Variants in THSD7A observed in about 807,000 individuals in gnomAD.
THSD7A encodes the protein thrombospondin type-1 domain-containing protein 7A.
Under a neutral mutation model 231.3 loss-of-function variants are expected in THSD7A, and 96 were observed. That is an observed-to-expected ratio of 0.41 (90% confidence interval 0.35 to 0.49). THSD7A has a LOEUF of 0.49. Ranked by LOEUF, THSD7A falls within the 20% of genes least tolerant of loss-of-function variation. The probability of loss-of-function intolerance (pLI) is 0.05; values close to 1 mark genes in which losing one functional copy is unlikely to be tolerated. For missense variants in THSD7A, 2,290 were observed against 2,070.2 expected, an observed-to-expected ratio of 1.11 and a Z score of -2.06; for synonymous variants, 940 against 743.3, an observed-to-expected ratio of 1.26 and a Z score of -4.30.
chr7:11,635,938 G>T (rs1012926608), intron 2 of THSD7A, among the ~76,000 whole-genome samples, 192 bp downstream of exon 2: 3 of 151,716 alleles, frequency 2.0e-5, no homozygotes, highest in Non-Finnish European at 4.4e-5. Flanking sequence ...AAGTAATACA[G>T]GGCCTAAATG....
At chr7:11,758,723 T>C (rs540644393) in intron 1 of THSD7A, among the ~76,000 whole-genome samples, 3 of 152,204 alleles carry the variant, frequency 2.0e-5, no homozygotes, top group African/African-American at 7.2e-5. Flanking sequence ...CACAATCCTA[T>C]CTTTAAAGGA....
At chr7:11,618,362 G>T (rs1436575497) in intron 2 of THSD7A, among the ~76,000 whole-genome samples, 2 of 152,068 alleles carry the variant, frequency 1.3e-5, no homozygotes, top group Admixed American at 6.6e-5. Flanking sequence ...TTATATAATA[G>T]AAATCATTTT....
chr7:11,676,585 G>C (rs2128137403), intron 1 of THSD7A, among the ~76,000 whole-genome samples: 1 of 152,220 alleles, frequency 6.6e-6, no homozygotes, highest in African/African-American at 2.4e-5. Flanking sequence ...TGACCTAAGA[G>C]AGATGAAAAA....
chr7:11,635,511 T>C (rs1372096634), intron 2 of THSD7A, among the ~76,000 whole-genome samples: 2 of 152,216 alleles, frequency 1.3e-5, no homozygotes, highest in African/African-American at 4.8e-5. Flanking sequence ...ATAATTTCTG[T>C]CTAGAAAATG....
intron 1 of THSD7A, among the ~76,000 whole-genome samples, chr7:11,639,232 T>C (rs963634298): frequency 6.6e-6 from 1 of 152,216 alleles, no homozygotes; most frequent in Non-Finnish European, 1.5e-5. Flanking sequence ...TAAAATTAAT[T>C]ATGAAATTAG....
At chr7:11,555,932 G>T (rs974161101) in intron 4 of THSD7A, among the ~76,000 whole-genome samples, 2 of 151,440 alleles carry the variant, frequency 1.3e-5, no homozygotes, top group Admixed American at 6.6e-5. Context: ...ATGACACACA[G>T]TTTCTCATTA....
At chr7:11,704,425 C>A (rs370159381) in intron 1 of THSD7A, among the ~76,000 whole-genome samples, 3 of 150,672 alleles carry the variant, frequency 2.0e-5, no homozygotes, top group African/African-American at 7.3e-5. Flanking sequence ...AGTGACATAA[C>A]CCTATGGGGA....
intron 1 of THSD7A, among the ~76,000 whole-genome samples, chr7:11,653,143 C>G (rs1782571538): frequency 6.6e-6 from 1 of 151,918 alleles, no homozygotes; most frequent in Non-Finnish European, 1.5e-5. Flanking sequence ...CAGGTTTTAA[C>G]TACCATTATT....
rs753174367 is a variant in THSD7A, at chr7:11,376,553, A to G, written c.4889+17T>C. ...GATTAAGTATCTCTTTGGATTTTTA[A>G]TTATTTAAACACTCACCAAGCTAGA... is the stretch of plus-strand genomic sequence containing the variant. On this transcript the variant is annotated intron_variant, in intron 27 of 27. Coordinates refer to ENST00000423059, the MANE Select transcript of THSD7A (RefSeq NM_015204.3). The G allele has an allele frequency of 3.9e-5, 60 of 1,545,998 alleles. No homozygotes were observed. The highest frequency in any genetic ancestry group is 5.3e-5 in the Non-Finnish European group (60 of 1,140,818).
intron 1 of THSD7A, among the ~76,000 whole-genome samples, chr7:11,744,598 C>G (rs1022874845): frequency 8.6e-6 from 1 of 116,838 alleles, no homozygotes; most frequent in African/African-American, 3.2e-5. Flanking sequence ...CCCCCTCCCC[C>G]CACCCCACAA....
At chr7:11,500,496 A>G (rs1787286421) in intron 6 of THSD7A, among the ~76,000 whole-genome samples, 1 of 152,066 alleles carries the variant, frequency 6.6e-6, no homozygotes, top group African/African-American at 2.4e-5. Flanking sequence ...GGGCTAAATA[A>G]CCCCACTTAC....
At chr7:11,631,519 A>G (rs1349181577) in intron 2 of THSD7A, among the ~76,000 whole-genome samples, 1 of 152,218 alleles carries the variant, frequency 6.6e-6, no homozygotes. Flanking sequence ...ACTTCATTCC[A>G]CAAGTTGGAA....
In THSD7A at chr7:11,832,163, C is replaced by A. The variant is rs1313671211; in HGVS notation, c.-217G>T. On this transcript the variant is annotated 5_prime_UTR_variant, in exon 1 of 28. Coordinates refer to ENST00000423059, the MANE Select transcript of THSD7A (RefSeq NM_015204.3). ...CTGCCGCCGCCGCCGCCGCCTCTGG[C>A]GGGGATGCTGCTGCCGCTGCCATTC... is the stretch of plus-strand genomic sequence containing the variant. The A allele has an allele frequency of 9.3e-6, 3 of 324,120 alleles. No individual in the cohort carries two copies. The highest frequency in any genetic ancestry group is 5.0e-5 in the Admixed American group (1 of 20,110). The allele number at this position is 324,120 out of a possible 1,614,324, so 20.1% of individuals were successfully genotyped here.
chr7:11,448,743 A>T (rs539830453), intron 11 of THSD7A, among the ~76,000 whole-genome samples: 33 of 152,244 alleles, frequency 2.2e-4, no homozygotes, highest in African/African-American at 6.0e-4. Context: ...AACACAACTT[A>T]ATGCAACTGC....
At chr7:11,713,061 T>G (rs923437273) in intron 1 of THSD7A, among the ~76,000 whole-genome samples, 1 of 151,108 alleles carries the variant, frequency 6.6e-6, no homozygotes, top group African/African-American at 2.4e-5. Context: ...AGTGATTGAG[T>G]GGACAGATAA....
At chr7:11,784,642 T>C (rs1783730690) in intron 1 of THSD7A, among the ~76,000 whole-genome samples, 1 of 152,106 alleles carries the variant, frequency 6.6e-6, no homozygotes, top group East Asian at 1.9e-4. Flanking sequence ...TCTTGAGTAG[T>C]ATGTTTTCTG....
intron 1 of THSD7A, among the ~76,000 whole-genome samples, chr7:11,680,932 C>G (rs1235468479): frequency 1.3e-5 from 2 of 152,144 alleles, no homozygotes; most frequent in Non-Finnish European, 2.9e-5. Context: ...TTCACAACAA[C>G]AAAGACTTGG....
At chr7:11,699,482 T>C (rs572269954) in intron 1 of THSD7A, among the ~76,000 whole-genome samples, 9 of 151,382 alleles carry the variant, frequency 5.9e-5, no homozygotes, top group Non-Finnish European at 1.0e-4. Flanking sequence ...TATCAGTTTG[T>C]TTGGGGTTTT....
intron 1 of THSD7A, among the ~76,000 whole-genome samples, chr7:11,742,227 T>C (rs1448853194): frequency 3.3e-5 from 5 of 151,926 alleles, no homozygotes; most frequent in African/African-American, 1.2e-4. Context: ...GAAAAATATA[T>C]GATCATATTC....
Sources: gnomAD v4.1 joint callset for allele counts (sites outside exome capture counted in the v4.1 genomes callset) on GRCh38, gnomAD v4.1.1 for gene constraint, MANE v1.5 for transcripts, NCBI Gene and HGNC (gene_info 2026-07-23, HGNC 2026-07-21) for gene names.